The following BMP8A variants were observed in gnomAD, a reference collection of about 807,000 sequenced individuals.
BMP8A encodes BMP-8A.
Under a neutral mutation model 36.8 loss-of-function variants are expected in BMP8A, and 14 were observed. The ratio of observed to expected loss-of-function variants is 0.38; its 90% confidence interval spans 0.25 to 0.60. The LOEUF is 0.60. Among genes scored for constraint, BMP8A ranks in the 20% least tolerant of loss-of-function variants. The probability of loss-of-function intolerance (pLI) is 0.63; values close to 1 mark genes in which losing one functional copy is unlikely to be tolerated. For missense variants in BMP8A, 267 were observed against 551.1 expected, an observed-to-expected ratio of 0.48 and a Z score of 5.16; for synonymous variants, 120 against 237.7, an observed-to-expected ratio of 0.50 and a Z score of 4.55.
chr1:39,527,380 C>G lies in BMP8A; in HGVS notation c.*1582C>G, dbSNP rs150037189. Among the ~76,000 whole-genome samples, 7 of 152,332 alleles carry G rather than the reference C, an allele frequency of 4.6e-5. 1 individual carries two copies. In the East Asian group the frequency reaches 1.4e-3, roughly 29 times the overall value. ...ACCTGCTGGAACAGACAGAGTCCAG[C>G]TGCCCAAACCGTGTCATTAAAAGCA... is the stretch of plus-strand genomic sequence containing the variant. On this transcript the variant is annotated 3_prime_UTR_variant, in exon 7 of 7. Coordinates refer to ENST00000331593, the MANE Select transcript of BMP8A (RefSeq NM_181809.4).
chr1:39,491,959 T>C lies in BMP8A; in HGVS notation c.-33T>C. 9.4e-7 allele frequency: 1 copy of C among 1,068,086 alleles called. No homozygotes were observed. Among genetic ancestry groups the C allele is most frequent in the Non-Finnish European group, 1.1e-6 (1 of 884,156 alleles). 66.2% of individuals were successfully genotyped at this position (1,068,086 alleles called of 1,614,324 possible). A position where few individuals can be genotyped will look rare whatever the true frequency, so the allele number is the denominator to read the frequency against. On this transcript the variant is annotated 5_prime_UTR_variant, in exon 1 of 7. Coordinates refer to ENST00000331593, the MANE Select transcript of BMP8A (RefSeq NM_181809.4). Reference sequence around the variant, plus strand: ...CCGGGCCCAGGGGCGGCGGCGGAGCTGATGTGCGCCCGCTGAGCGCCCCCG... The same window carrying C: ...CCGGGCCCAGGGGCGGCGGCGGAGCCGATGTGCGCCCGCTGAGCGCCCCCG...
chr1:39,505,986 CAAAA>C (rs34923451), intron 1 of BMP8A, among the ~76,000 whole-genome samples: 1 of 133,232 alleles, frequency 7.5e-6, no homozygotes. Context: ...ACCCTGTCTC[CAAAA>C]AAAAAAAAAA....
At chr1:39,510,867 C>G (rs573744108) in intron 1 of BMP8A, among the ~76,000 whole-genome samples, 1 of 152,210 alleles carries the variant, frequency 6.6e-6, no homozygotes, top group South Asian at 2.1e-4. Flanking sequence ...ATCTCTGGGT[C>G]CCAGGACCAG....
At chr1:39,516,917 G>A (rs1645398779) in intron 3 of BMP8A, among the ~76,000 whole-genome samples, 1 of 151,926 alleles carries the variant, frequency 6.6e-6, no homozygotes, top group African/African-American at 2.4e-5. Context: ...AGAAATAGGC[G>A]AGCAAAGATG....
At chr1:39,515,030 C>A (rs1645384904) in intron 3 of BMP8A, 1 of 1,553,262 alleles carries the variant, frequency 6.4e-7, no homozygotes, top group Non-Finnish European at 8.7e-7. Context: ...TCGCGCTGTC[C>A]CAGGGCTGCG....
intron 1 of BMP8A, among the ~76,000 whole-genome samples, chr1:39,506,400 G>A (rs1231005051): frequency 1.3e-5 from 2 of 151,936 alleles, no homozygotes; most frequent in African/African-American, 2.4e-5. Context: ...GTAGAGACAG[G>A]GTTTCACCAT....
rs979065267 is a variant in BMP8A, at chr1:39,522,620, A to G, written c.948+138A>G. On this transcript the variant is annotated intron_variant, in intron 5 of 6. Transcript: ENST00000331593. ...TTCTTCTGTGTTTTCCAAGTTTTCT[A>G]AAGTGAGAATATGGTGAGAAAGGGT... 6 of 1,272,786 alleles carry G rather than the reference A, an allele frequency of 4.7e-6. No homozygotes were observed. In the African/African-American group the frequency reaches 7.4e-5, roughly 16 times the overall value. The allele number at this position is 1,272,786 out of a possible 1,614,324, so 78.8% of individuals were successfully genotyped here. A position where few individuals can be genotyped will look rare whatever the true frequency, so the allele number is the denominator to read the frequency against.
In BMP8A at chr1:39,527,397, T is replaced by C. The variant is rs867236727; in HGVS notation, c.*1599T>C. On this transcript the variant is annotated 3_prime_UTR_variant, in exon 7 of 7. Coordinates refer to ENST00000331593, the MANE Select transcript of BMP8A (RefSeq NM_181809.4). ...GAGTCCAGCTGCCCAAACCGTGTCA[T>C]TAAAAGCAGATCCTGGGCCCGCCCC... Among the ~76,000 whole-genome samples the C allele has an allele frequency of 1.3e-5, 2 of 152,164 alleles. No homozygotes were observed. Among genetic ancestry groups the C allele is most frequent in the African/African-American group, 4.8e-5 (2 of 41,430 alleles).
In BMP8A at chr1:39,523,979, AACACACAC is replaced by A. The variant is rs3832006; in HGVS notation, c.1059+885_1059+892del. 356 of 152,644 alleles carry A rather than the reference AACACACAC, an allele frequency of 2.3e-3. 1 individual carries two copies. The highest frequency in any genetic ancestry group is 7.4e-3 in the African/African-American group (292 of 39,662). 9.5% of individuals were successfully genotyped at this position (152,644 alleles called of 1,614,324 possible). A position where few individuals can be genotyped will look rare whatever the true frequency, so the allele number is the denominator to read the frequency against. ...ACCCTGTCTCTAAAATAAAAATTAA[AACACACAC>A]ACACACACACACACACACACACGTG... On this transcript the variant is annotated intron_variant, in intron 6 of 6. Coordinates refer to ENST00000331593, the MANE Select transcript of BMP8A (RefSeq NM_181809.4).
In BMP8A at chr1:39,491,841, G is replaced by C. The variant is rs1220431381; in HGVS notation, c.-151G>C. 4 of 636,982 alleles carry C rather than the reference G, an allele frequency of 6.3e-6. No homozygotes were observed. The highest frequency in any genetic ancestry group is 4.0e-5 in the African/African-American group (2 of 50,518). The allele number at this position is 636,982 out of a possible 1,614,324, so 39.5% of individuals were successfully genotyped here. The stretch of plus-strand genomic sequence containing the variant: ...GCCGGGGCAGGTGCGCGCGGGGGGC[G>C]CTCCAGGGACCGCGCTGAGGCCGCA... On this transcript the variant is annotated 5_prime_UTR_variant, in exon 1 of 7. Coordinates refer to ENST00000331593, the MANE Select transcript of BMP8A (RefSeq NM_181809.4).
chr1:39,503,097 C>T (rs1183224665), intron 1 of BMP8A, among the ~76,000 whole-genome samples: 2 of 152,016 alleles, frequency 1.3e-5, no homozygotes, highest in Non-Finnish European at 2.9e-5. Context: ...ACAAGTCTTC[C>T]TTTCAAAAGA....
chr1:39,496,788 G>A (rs1326889850), intron 1 of BMP8A, among the ~76,000 whole-genome samples: 1 of 152,218 alleles, frequency 6.6e-6, no homozygotes, highest in Admixed American at 6.5e-5. Flanking sequence ...GATGCAGTAA[G>A]TGCTGTCGAA....
intron 1 of BMP8A, among the ~76,000 whole-genome samples, chr1:39,500,519 G>A (rs2124323002): frequency 6.6e-6 from 1 of 152,048 alleles, no homozygotes; most frequent in South Asian, 2.1e-4. Flanking sequence ...ACCTGTTCAA[G>A]GTGACCCGTG....
rs560188166 is a variant in BMP8A at position 39,503,201 on chromosome 1, C to CA, written c.335-7965dup. 2.0e-3 allele frequency among the ~76,000 whole-genome samples: 298 copies of CA among 151,882 alleles called. 1 individual carries two copies. The highest frequency in any genetic ancestry group is 6.9e-3 in the African/African-American group (287 of 41,444). On this transcript the variant is annotated intron_variant, in intron 1 of 6. Transcript: ENST00000331593. ...CAAGACCCCATCTCTACAAAAAATA[C>CA]AAAAAAAATAGCCAGGTGTGGTGGT...
rs1427694987 is a variant in BMP8A at position 39,529,706 on chromosome 1, C to T, written c.*3908C>T. Among the ~76,000 whole-genome samples the T allele has an allele frequency of 6.6e-6, 1 of 152,310 alleles. No homozygotes were observed. The highest frequency in any genetic ancestry group is 1.9e-4 in the East Asian group (1 of 5,190). On this transcript the variant is annotated 3_prime_UTR_variant, in exon 7 of 7. Transcript: ENST00000331593. ...GATAACCACTGTTCATAATTCCTTC[C>T]AGTCTTCTTACTTGGCACATATACA... is the stretch of plus-strand genomic sequence containing the variant.
chr1:39,503,151 C>T (rs1468951668), intron 1 of BMP8A, among the ~76,000 whole-genome samples: 4 of 152,014 alleles, frequency 2.6e-5, no homozygotes, highest in Admixed American at 1.3e-4. Context: ...AATAGAAAAT[C>T]ACTATTCCAG....
intron 1 of BMP8A, among the ~76,000 whole-genome samples, chr1:39,495,744 GCCCCT>G (rs1645199759): frequency 6.8e-6 from 1 of 146,668 alleles, no homozygotes; most frequent in Non-Finnish European, 1.5e-5. Flanking sequence ...GGGCAGCCCG[GCCCCT>G]CCTGAGGGAG....
At chr1:39,518,797 C>G (rs1240328953) in intron 3 of BMP8A, among the ~76,000 whole-genome samples, 6 of 149,548 alleles carry the variant, frequency 4.0e-5, no homozygotes, top group African/African-American at 7.6e-5. Flanking sequence ...TTCACCACCC[C>G]CCATCTTGCC....
rs1338250234 is a variant in BMP8A at position 39,528,938 on chromosome 1, G to A, written c.*3140G>A. 1.3e-5 allele frequency: 2 copies of A among 152,272 alleles called. No individual in the cohort carries two copies. The highest frequency in any genetic ancestry group is 2.9e-5 in the Non-Finnish European group (2 of 68,090). The allele number at this position is 152,272 out of a possible 1,614,324, so 9.4% of individuals were successfully genotyped here. A position where few individuals can be genotyped will look rare whatever the true frequency, so the allele number is the denominator to read the frequency against. On this transcript the variant is annotated 3_prime_UTR_variant, in exon 7 of 7. Transcript: ENST00000331593. Reference sequence around the variant, plus strand: ...CCGGTCTTAAACTTTGCCCAGGCCAGTCTTGAACTCCTGAGCTCAAGCAAT... The same window carrying A: ...CCGGTCTTAAACTTTGCCCAGGCCAATCTTGAACTCCTGAGCTCAAGCAAT...
Sources: allele counts gnomAD v4.1 joint callset (sites outside exome capture counted in the v4.1 genomes callset), GRCh38; gene constraint gnomAD v4.1.1; transcripts MANE v1.5; gene names NCBI Gene and HGNC (gene_info 2026-07-23, HGNC 2026-07-21).